ASB2: variants seen among roughly 807,000 people sequenced by gnomAD.
ASB2 encodes the protein ankyrin repeat and SOCS box protein 2.
A neutral mutation model predicts 62.4 loss-of-function variants in ASB2; 58 were observed. The ratio of observed to expected loss-of-function variants is 0.93; its 90% confidence interval spans 0.75 to 1.16. The LOEUF (loss-of-function observed/expected upper bound fraction) is 1.16, where lower values mean the gene tolerates loss of function less well. ASB2 is among the 50% of genes most tolerant of loss of function. ASB2 has a pLI of 0.00. For synonymous variants in ASB2, 386 were observed against 385.3 expected (o/e 1.00, Z -0.02); for missense variants, 928 against 887.9 (o/e 1.05, Z -0.57).
At chr14:93,950,037 G>A (rs968480611) in intron 6 of ASB2, among the ~76,000 whole-genome samples, 1 of 152,208 alleles carries the variant, frequency 6.6e-6, no homozygotes, top group East Asian at 1.9e-4. Context: ...ATGGCAGTGG[G>A]TCAGCATCCA....
Position 93,939,369 on chromosome 14 carries a change from G to A in ASB2, c.1356C>T (p.Gly452=). 6.2e-7 allele frequency: 1 copy of A among 1,612,856 alleles called. No homozygotes were observed. The highest frequency in any genetic ancestry group is 1.7e-5 in the Admixed American group (1 of 59,996). The change falls in exon 8 of 10, where the codon GGC becomes GGT. Residue 452 remains glycine (G), a synonymous_variant. Transcript: ENST00000555019. ...GCAGCAGCTGCATTGTGCGCAGGCA[G>A]CCGTGGCGGATGGCCACGAGCAAGG... ...ISPLLVAIRH[G]CLRTMQLLLD...
At chr14:93,967,311 G>T (rs1419677574) in intron 1 of ASB2, among the ~76,000 whole-genome samples, 1 of 151,438 alleles carries the variant, frequency 6.6e-6, no homozygotes, top group African/African-American at 2.4e-5. Flanking sequence ...GCGGGGGGAA[G>T]GGGCTCTGCC....
At chr14:93,955,749 G>A (rs912913656) in intron 3 of ASB2, among the ~76,000 whole-genome samples, 2 of 152,212 alleles carry the variant, frequency 1.3e-5, no homozygotes, top group African/African-American at 4.8e-5. Flanking sequence ...CATGACCTCA[G>A]GCAAAGTCCC....
chr14:93,957,445 T>C, intron 2 of ASB2: 2 of 975,298 alleles, frequency 2.1e-6, no homozygotes, highest in Non-Finnish European at 1.2e-6. Context: ...ATAGGATGCA[T>C]GAGGAAGGGC....
At chr14:93,943,479 T>A (rs1888609460) in intron 7 of ASB2, among the ~76,000 whole-genome samples, 1 of 152,188 alleles carries the variant, frequency 6.6e-6, no homozygotes, top group South Asian at 2.1e-4. Flanking sequence ...ACCCGGTCTC[T>A]ACTAAAATAC....
intron 2 of ASB2, among the ~76,000 whole-genome samples, chr14:93,962,574 T>G (rs999419437): frequency 2.6e-5 from 4 of 152,086 alleles, no homozygotes; most frequent in Admixed American, 2.6e-4. Context: ...CTAGGAGAGC[T>G]TTTTCCGCAG....
Position 93,937,738 on chromosome 14 carries a change from G to A in ASB2, c.1731C>T (p.Ile577=), listed in dbSNP as rs775174511. Residue 577 remains isoleucine, a synonymous_variant, in exon 9 of 10, where the codon ATC becomes ATT. Transcript: ENST00000555019. ...TGACGGCCCAGTCCTCAAAGCTGTC[G>A]ATGTGTTCCTTCAGCCGCGAGCAGA... ...VQLCSRLKEH[I]DSFEDWAVIK... 27 of 1,612,872 alleles carry A rather than the reference G, an allele frequency of 1.7e-5. No homozygotes were observed. Among genetic ancestry groups the A allele is most frequent in the South Asian group, 4.4e-5 (4 of 91,064 alleles).
intron 2 of ASB2, 25 bp downstream of exon 2, chr14:93,964,309 C>T: frequency 1.3e-6 from 2 of 1,533,872 alleles, no homozygotes; most frequent in Non-Finnish European, 1.7e-6. Flanking sequence ...GGCCCCACTT[C>T]CCTCATCAGC....
At chr14:93,963,884 G>C (rs1381263310) in intron 2 of ASB2, among the ~76,000 whole-genome samples, 1 of 152,166 alleles carries the variant, frequency 6.6e-6, no homozygotes, top group Non-Finnish European at 1.5e-5. Context: ...GGATGAGGTG[G>C]GGCTGAGAGT....
At chr14:93,969,955 G>A (rs1889712601) in intron 1 of ASB2, 1 of 152,262 alleles carries the variant, frequency 6.6e-6, no homozygotes, top group Admixed American at 6.5e-5. Context: ...TCTAAGTTGG[G>A]CCTTAGTCTC....
rs1302758724 is a variant in ASB2, at chr14:93,937,860, G to A, written c.1618-9C>T. The A allele has an allele frequency of 1.3e-6, 2 of 1,588,166 alleles. No homozygotes were observed. The highest frequency in any genetic ancestry group is 3.4e-5 in the Admixed American group (2 of 59,304). ...GATACGAACTCACAGAACTGAAAGA[G>A]AACATGCCGGGACCAAGAAGTGAGT... On this transcript the variant is annotated splice_polypyrimidine_tract_variant and intron_variant, in intron 8 of 9. Transcript: ENST00000555019.
In ASB2 at chr14:93,976,534, C is replaced by G. The variant is rs1345626536; in HGVS notation, c.-174G>C. On this transcript the variant is annotated 5_prime_UTR_variant, in exon 1 of 10. Coordinates refer to ENST00000555019, the MANE Select transcript of ASB2 (RefSeq NM_001202429.2). The stretch of plus-strand genomic sequence containing the variant: ...ATGCTCCCCGAGTTTTCCTTCTGCC[C>G]TGGCCCCAAGCTTCTGGCTGCTCTG... 6.6e-6 allele frequency: 1 copy of G among 152,238 alleles called. No homozygotes were observed. Among genetic ancestry groups the G allele is most frequent in the African/African-American group, 2.4e-5 (1 of 41,466 alleles). 9.4% of individuals were successfully genotyped at this position (152,238 alleles called of 1,614,324 possible). A position where few individuals can be genotyped will look rare whatever the true frequency, so the allele number is the denominator to read the frequency against.
intron 7 of ASB2, among the ~76,000 whole-genome samples, chr14:93,946,701 C>T (rs1328062339): frequency 6.6e-6 from 1 of 152,224 alleles, no homozygotes; most frequent in African/African-American, 2.4e-5. Flanking sequence ...TGTGCTTCTT[C>T]CCTTCCTCCA....
chr14:93,937,403 G>A (rs372891860), intron 9 of ASB2, among the ~76,000 whole-genome samples: 4 of 152,248 alleles, frequency 2.6e-5, no homozygotes, highest in East Asian at 3.9e-4. Context: ...TGAAGGTCCC[G>A]GTACCCCTCA....
intron 1 of ASB2, among the ~76,000 whole-genome samples, chr14:93,973,632 GT>G (rs1428418867): frequency 6.6e-6 from 1 of 152,220 alleles, no homozygotes; most frequent in African/African-American, 2.4e-5. Context: ...AGGCCCATGG[GT>G]GACCTTCGTC....
At chr14:93,963,861 C>T (rs539289959) in intron 2 of ASB2, among the ~76,000 whole-genome samples, 59 of 152,176 alleles carry the variant, frequency 3.9e-4, no homozygotes, top group Non-Finnish European at 7.2e-4. Context: ...TTTAGAAAGT[C>T]CTGTGACTGA....
intron 1 of ASB2, among the ~76,000 whole-genome samples, chr14:93,966,322 C>T (rs867388125): frequency 6.6e-6 from 1 of 152,250 alleles, no homozygotes; most frequent in African/African-American, 2.4e-5. Context: ...CTCACCGCCT[C>T]AGCTGGTGAC....
intron 7 of ASB2, chr14:93,940,582 ACTCCT>A (rs1305435693): frequency 3.3e-5 from 5 of 151,792 alleles, no homozygotes; most frequent in African/African-American, 7.3e-5. Context: ...GGTCACTTAC[ACTCCT>A]CTCCTGTCAG....
chr14:93,939,652 G>C lies in ASB2; in HGVS notation c.1073C>G (p.Pro358Arg), dbSNP rs972916883. The part of the protein sequence containing the change: ...GNYRIVQMLL[P>R]VTSRTRIRRS... The stretch of plus-strand genomic sequence containing the variant: ...GCGTATGCGCGTGCGGCTGGTCACC[G>C]GCAGCAGCATCTGCACGATCCTGCC... The change falls in exon 8 of 10, where the codon CCG (proline) becomes CGG (arginine). Residue 358 changes from proline to arginine, a missense_variant. Coordinates refer to ENST00000555019, the MANE Select transcript of ASB2 (RefSeq NM_001202429.2). 28 of 1,508,912 alleles carry C rather than the reference G, an allele frequency of 1.9e-5. No homozygotes were observed. Among genetic ancestry groups the C allele is most frequent in the Admixed American group, 8.5e-5 (4 of 47,024 alleles). 93.5% of individuals were successfully genotyped at this position (1,508,912 alleles called of 1,614,324 possible). A position where few individuals can be genotyped will look rare whatever the true frequency, so the allele number is the denominator to read the frequency against.
Sources: allele counts gnomAD v4.1 joint callset (sites outside exome capture counted in the v4.1 genomes callset), GRCh38; gene constraint gnomAD v4.1.1; transcripts MANE v1.5; gene names NCBI Gene and HGNC (gene_info 2026-07-23, HGNC 2026-07-21).